ITGAE: variants seen among roughly 807,000 people sequenced by gnomAD.
ITGAE encodes integrin subunit alpha E.
Under a neutral mutation model 136.5 loss-of-function variants are expected in ITGAE, and 99 were observed. The ratio of observed to expected loss-of-function variants is 0.73; its 90% CI spans 0.62 to 0.86. The LOEUF (loss-of-function observed/expected upper bound fraction) is 0.86, where lower values mean the gene tolerates loss of function less well. Ranked by LOEUF, ITGAE falls within the 40% of genes least tolerant of loss-of-function variation. The probability of loss-of-function intolerance (pLI) is 0.00; values close to 1 mark genes in which losing one functional copy is unlikely to be tolerated. For missense variants in ITGAE, 1,447 were observed against 1,515.3 expected, an observed-to-expected ratio of 0.95 and a Z score of 0.75; for synonymous variants, 613 against 591.8, an observed-to-expected ratio of 1.04 and a Z score of -0.52.
intron 19 of ITGAE, among the ~76,000 whole-genome samples, chr17:3,740,382 G>A (rs1385861511): frequency 6.6e-6 from 1 of 152,254 alleles, no homozygotes; most frequent in East Asian, 1.9e-4. Flanking sequence ...TCGGTTGTTT[G>A]TTTGTTTGTT....
intron 1 of ITGAE, among the ~76,000 whole-genome samples, chr17:3,785,496 GAGGA>G (rs71153402): frequency 0.18 from 19,771 of 107,524 alleles, 1,900 homozygotes; most frequent in Middle Eastern, 0.21. Context: ...AGGAAGGAAG[GAGGA>G]AGGAAGGAAG....
chr17:3,762,072 GT>G (rs2052186470), intron 3 of ITGAE, 90 bp from the exon 4 acceptor site: 2 of 1,062,222 alleles, frequency 1.9e-6, no homozygotes, highest in Admixed American at 4.1e-5. Context: ...AGCCACCTTG[GT>G]CAGGCCCCCA....
Position 3,778,285 on chromosome 17 carries a change from C to T in ITGAE, c.35-625G>A, listed in dbSNP as rs1050526172. Among the ~76,000 whole-genome samples the T allele has an allele frequency of 1.2e-4, 18 of 152,188 alleles. No homozygotes were observed. The South Asian group carries it at 1.9e-3, about 16-fold the overall frequency. On this transcript the variant is annotated intron_variant, in intron 1 of 30. Coordinates refer to ENST00000263087, the MANE Select transcript of ITGAE (RefSeq NM_002208.5). Reference sequence around the variant, plus strand: ...ATCCCAAAAATCATTATGCTGGCCGCGCGCCAGTGGCTCATGCCTGTAATC... The same window carrying T: ...ATCCCAAAAATCATTATGCTGGCCGTGCGCCAGTGGCTCATGCCTGTAATC...
chr17:3,716,589 G>A (rs2050947410), intron 30 of ITGAE, 99 bp downstream of exon 30: 1 of 724,154 alleles, frequency 1.4e-6, no homozygotes, highest in Admixed American at 2.3e-5. Context: ...ACGAGGCCAG[G>A]GCAGCTGCTC....
chr17:3,786,662 C>T (rs2052805120), intron 1 of ITGAE, among the ~76,000 whole-genome samples: 1 of 152,040 alleles, frequency 6.6e-6, no homozygotes, highest in Non-Finnish European at 1.5e-5. Flanking sequence ...GAGGCCAAGG[C>T]CAGCGGATCA....
At chr17:3,748,090 C>T (rs2051763473) in intron 16 of ITGAE, 38 bp from the exon 17 acceptor site, 1 of 1,593,528 alleles carries the variant, frequency 6.3e-7, no homozygotes. Flanking sequence ...GAAGTGACTG[C>T]TCAGCCTCTG....
chr17:3,755,311 G>C (rs1425402962), intron 11 of ITGAE, 50 bp from the exon 12 acceptor site: 6 of 1,477,808 alleles, frequency 4.1e-6, no homozygotes, highest in South Asian at 2.6e-5. Flanking sequence ...ACCCAAGGCC[G>C]GGCCACGGTG....
At chr17:3,796,578 G>A (rs1354809684) in intron 1 of ITGAE, among the ~76,000 whole-genome samples, 3 of 152,050 alleles carry the variant, frequency 2.0e-5, no homozygotes, top group East Asian at 3.9e-4. Context: ...AACCACAGGC[G>A]AGGGCTGGCC....
chr17:3,795,397 C>CCCA (rs1244837075), intron 1 of ITGAE, among the ~76,000 whole-genome samples: 6 of 152,220 alleles, frequency 3.9e-5, no homozygotes, highest in Non-Finnish European at 5.9e-5. Context: ...CCCCTGTGTT[C>CCCA]ACTTTGTTCA....
intron 1 of ITGAE, among the ~76,000 whole-genome samples, chr17:3,795,390 CT>C (rs948650291): frequency 2.6e-5 from 4 of 152,176 alleles, no homozygotes; most frequent in African/African-American, 4.8e-5. Context: ...CACCCCACCC[CT>C]GTGTTCACTT....
chr17:3,791,280 A>ATGTCC (rs1332796774), intron 1 of ITGAE, among the ~76,000 whole-genome samples: 1 of 151,818 alleles, frequency 6.6e-6, no homozygotes, highest in Non-Finnish European at 1.5e-5. Context: ...ATTTAAGAAA[A>ATGTCC]TGTCCACGTT....
chr17:3,791,136 CAG>C (rs1258124183), intron 1 of ITGAE, among the ~76,000 whole-genome samples: 1 of 121,386 alleles, frequency 8.2e-6, no homozygotes, highest in Non-Finnish European at 1.6e-5. Flanking sequence ...GCCTGGGCGA[CAG>C]AGCGAGACTC....
chr17:3,771,096 T>TA lies in ITGAE; in HGVS notation c.155+6443dup, dbSNP rs36098243. ...TTCTTTGGGATCAACTCTGAGGGAT[T>TA]AAAAAAAAAAAAGAACATTCATCCA... On this transcript the variant is annotated intron_variant, in intron 2 of 30. Transcript: ENST00000263087. 2.8e-3 allele frequency among the ~76,000 whole-genome samples: 400 copies of TA among 144,848 alleles called. 4 individuals carry two copies. Among genetic ancestry groups the TA allele is most frequent in the African/African-American group, 9.2e-3 (364 of 39,462 alleles).
chr17:3,739,715 G>C (rs1360565192), intron 20 of ITGAE, 90 bp downstream of exon 20: 23 of 1,050,586 alleles, frequency 2.2e-5, no homozygotes, highest in Non-Finnish European at 3.1e-5. Context: ...GAGGGGAAGG[G>C]GATGTGCAGG....
Position 3,799,478 on chromosome 17 carries a change from G to A in ITGAE, c.34+1633C>T, listed in dbSNP as rs1017314919. On this transcript the variant is annotated intron_variant, in intron 1 of 30. Coordinates refer to ENST00000263087, the MANE Select transcript of ITGAE (RefSeq NM_002208.5). The surrounding 1 kb of genome is among the most constrained non-coding windows in gnomAD (Gnocchi z 4.1). Reference sequence around the variant, plus strand: ...ACTGAGGTGATGGGTGGTGGTCTCAGAGGCTAAAGGAGACAGATGAGCCAC... The same window carrying A: ...ACTGAGGTGATGGGTGGTGGTCTCAAAGGCTAAAGGAGACAGATGAGCCAC... 3.9e-5 allele frequency among the ~76,000 whole-genome samples: 6 copies of A among 152,156 alleles called. No individual in the cohort carries two copies. Among genetic ancestry groups the A allele is most frequent in the African/African-American group, 1.2e-4 (5 of 41,450 alleles).
At chr17:3,797,523 T>G (rs1240884046) in intron 1 of ITGAE, among the ~76,000 whole-genome samples, 1 of 140,562 alleles carries the variant, frequency 7.1e-6, no homozygotes, top group South Asian at 2.2e-4. Context: ...TGCAGTGGTG[T>G]GATCTCAGCT....
chr17:3,721,829 T>G (rs188298564), intron 28 of ITGAE: 5 of 152,070 alleles, frequency 3.3e-5, no homozygotes, highest in Admixed American at 3.3e-4. Flanking sequence ...GTAGATCATC[T>G]GAGGTCAGGA....
intron 13 of ITGAE, 40 bp downstream of exon 13, chr17:3,753,743 C>G (rs775357979): frequency 3.7e-6 from 6 of 1,610,478 alleles, no homozygotes; most frequent in Admixed American, 3.3e-5. Context: ...TCCAGATTCC[C>G]CATCGGTCAT....
At chr17:3,723,895 C>A (rs372895047) in intron 26 of ITGAE, 151 bp from the exon 27 acceptor site, 522 of 1,530,550 alleles carry the variant, frequency 3.4e-4, no homozygotes, top group Non-Finnish European at 4.4e-4. Flanking sequence ...GCACGGAAGT[C>A]TCGCGATGTT....
Sources: gnomAD v4.1 joint callset for allele counts (sites outside exome capture counted in the v4.1 genomes callset) on GRCh38, gnomAD v4.1.1 for gene constraint, Gnocchi (gnomAD v3.1) non-coding constraint, MANE v1.5 for transcripts, NCBI Gene and HGNC (gene_info 2026-07-23, HGNC 2026-07-21) for gene names.